The following VRK2 variants were observed in gnomAD, a reference collection of about 807,000 sequenced individuals.
VRK2 encodes the protein VRK serine/threonine kinase 2, also known as serine/threonine-protein kinase VRK2.
In VRK2, 60 loss-of-function variants were observed where a neutral mutation model predicts 57.6. The ratio of observed to expected loss-of-function variants is 1.04; its 90% CI spans 0.85 to 1.29. The LOEUF (loss-of-function observed/expected upper bound fraction) is 1.29. Among genes scored for constraint, VRK2 ranks in the 50% most tolerant of loss-of-function variants. VRK2 has a pLI of 0.00. For synonymous variants in VRK2, 231 were observed against 199.2 expected, an observed-to-expected ratio of 1.16 and a Z score of -1.35; for missense variants, 705 against 588.1, an observed-to-expected ratio of 1.20 and a Z score of -2.06.
At chr2:57,950,446 T>C (rs1671392915) in intron 1 of VRK2, among the ~76,000 whole-genome samples, 1 of 152,198 alleles carries the variant, frequency 6.6e-6, no homozygotes, top group Non-Finnish European at 1.5e-5. Context: ...ACAGTCTGGA[T>C]GTCAGCTCAA....
chr2:58,108,071 G>T (rs886647642), intron 7 of VRK2, among the ~76,000 whole-genome samples: 1 of 151,934 alleles, frequency 6.6e-6, no homozygotes, highest in African/African-American at 2.4e-5. Flanking sequence ...GTTGGATTAG[G>T]GTGTTAGTCA....
chr2:58,137,042 A>G (rs1263888091), intron 10 of VRK2, among the ~76,000 whole-genome samples: 1 of 129,962 alleles, frequency 7.7e-6, no homozygotes, highest in Non-Finnish European at 1.5e-5. Flanking sequence ...TATATCATAT[A>G]TAATATATAT....
At chr2:58,046,998 C>T (rs1485177963) in intron 1 of VRK2, 130 bp downstream of exon 1, 1 of 983,378 alleles carries the variant, frequency 1.0e-6, no homozygotes, top group South Asian at 4.7e-5. Context: ...TCCCAGCCCC[C>T]GGGCCTCAGC....
intron 2 of VRK2, among the ~76,000 whole-genome samples, chr2:58,077,391 T>G (rs988114541): frequency 1.3e-5 from 2 of 152,052 alleles, no homozygotes; most frequent in African/African-American, 4.8e-5. Flanking sequence ...AAATCCTAAT[T>G]GATTGACCAG....
intron 1 of VRK2, among the ~76,000 whole-genome samples, chr2:57,943,045 C>A (rs371740910): frequency 7.2e-5 from 11 of 152,140 alleles, no homozygotes; most frequent in African/African-American, 2.7e-4. Flanking sequence ...CAATTAAAAT[C>A]CACAGTGTTT....
At chr2:58,088,576 A>G in intron 6 of VRK2, 130 bp downstream of exon 6, 2 of 753,774 alleles carry the variant, frequency 2.7e-6, no homozygotes, top group Non-Finnish European at 4.5e-6. Flanking sequence ...TATTAGGAGT[A>G]GAGGCTATTT....
upstream of VRK2, among the ~76,000 whole-genome samples, chr2:58,043,414 TAAAGA>T (rs921549778): frequency 1.3e-5 from 2 of 152,192 alleles, no homozygotes; most frequent in Admixed American, 6.5e-5. Context: ...ATTACCACAG[TAAAGA>T]AATTTAACAT....
chr2:58,132,357 C>A (rs1359514584), intron 9 of VRK2, among the ~76,000 whole-genome samples: 1 of 152,082 alleles, frequency 6.6e-6, no homozygotes, highest in East Asian at 1.9e-4. Context: ...CAACATACCT[C>A]TTATTTCTGT....
At chr2:58,109,405 T>C (rs765352882) in intron 7 of VRK2, among the ~76,000 whole-genome samples, 3 of 151,452 alleles carry the variant, frequency 2.0e-5, no homozygotes, top group Non-Finnish European at 4.4e-5. Flanking sequence ...CTTAAAAGGA[T>C]CTGTAGTAGT....
At position 58,062,792 on chromosome 2, in the gene VRK2, A is replaced by G. The variant is rs534042230; in HGVS notation, c.136+13825A>G. On this transcript the variant is annotated intron_variant, in intron 2 of 12. Transcript: ENST00000340157. ...AAGAAGTCATCTCCAAAACATAAAA[A>G]TGGAAGGTGAAGTGGCAAGTGCTGA... Among the ~76,000 whole-genome samples the G allele has an allele frequency of 7.2e-5, 11 of 152,232 alleles. No individual in the cohort carries two copies. The South Asian group carries it at 2.1e-3, about 29-fold the overall frequency.
At chr2:58,017,457 C>T (rs982906692) in intron 1 of VRK2, among the ~76,000 whole-genome samples, 1 of 152,190 alleles carries the variant, frequency 6.6e-6, no homozygotes, top group Non-Finnish European at 1.5e-5. Context: ...TTATTATGGT[C>T]CCCAATTTGA....
At chr2:58,095,002 A>C (rs754869203) in intron 7 of VRK2, among the ~76,000 whole-genome samples, 37 of 152,188 alleles carry the variant, frequency 2.4e-4, no homozygotes, top group Non-Finnish European at 4.4e-4. Context: ...TTTCATTTAA[A>C]AGGAATACTT....
At chr2:58,121,999 T>C (rs539357971) in intron 7 of VRK2, among the ~76,000 whole-genome samples, 5 of 152,342 alleles carry the variant, frequency 3.3e-5, no homozygotes, top group African/African-American at 9.6e-5. Context: ...GTAAATTCAC[T>C]TGAATTGCTA....
intron 1 of VRK2, among the ~76,000 whole-genome samples, chr2:57,957,298 AAAAT>A (rs2103989953): frequency 1.3e-5 from 2 of 152,232 alleles, no homozygotes; most frequent in African/African-American, 4.8e-5. Context: ...TACATTTTGA[AAAAT>A]AAATAAGTAC....
At chr2:57,976,559 G>A (rs1278711856) in intron 1 of VRK2, among the ~76,000 whole-genome samples, 1 of 151,852 alleles carries the variant, frequency 6.6e-6, no homozygotes, top group Non-Finnish European at 1.5e-5. Context: ...TAATAGGGTT[G>A]TTTGTTTTTT....
chr2:58,108,500 A>C (rs1675083074), intron 7 of VRK2, among the ~76,000 whole-genome samples: 1 of 151,944 alleles, frequency 6.6e-6, no homozygotes, highest in East Asian at 1.9e-4. Context: ...ACTGATGCAA[A>C]CCTTTCTTTC....
intron 10 of VRK2, among the ~76,000 whole-genome samples, chr2:58,136,794 C>G (rs542744696): frequency 5.6e-5 from 8 of 143,296 alleles, no homozygotes; most frequent in South Asian, 2.1e-4. Context: ...GTATATATAT[C>G]ATATATATGT....
At chr2:58,037,262 C>T (rs997106567) in intron 3 of VRK2, among the ~76,000 whole-genome samples, 2 of 151,870 alleles carry the variant, frequency 1.3e-5, no homozygotes, top group African/African-American at 2.4e-5. Flanking sequence ...TGTACACGGT[C>T]GCAGGTGTTT....
At chr2:57,974,832 C>T (rs981409768) in intron 1 of VRK2, among the ~76,000 whole-genome samples, 28 of 151,790 alleles carry the variant, frequency 1.8e-4, no homozygotes, top group African/African-American at 6.5e-4. Context: ...CAAGATAAAA[C>T]AGCCAACCCT....
Sources: gnomAD v4.1 joint callset for allele counts (sites outside exome capture counted in the v4.1 genomes callset) on GRCh38, gnomAD v4.1.1 for gene constraint, MANE v1.5 for transcripts, NCBI Gene and HGNC (gene_info 2026-07-23, HGNC 2026-07-21) for gene names.